Variants in VARS2 observed in about 807,000 individuals in gnomAD.
VARS2 encodes valyl-tRNA synthetase 2, mitochondrial.
VARS2 carries 105 observed loss-of-function variants against 154.1 expected under a neutral mutation model. The ratio of observed to expected loss-of-function variants is 0.68; its 90% confidence interval spans 0.58 to 0.80. VARS2 has a LOEUF of 0.80. Ranked by LOEUF, VARS2 falls within the 30% of genes least tolerant of loss-of-function variation. The probability of loss-of-function intolerance (pLI) is 0.00; values close to 1 mark genes in which losing one functional copy is unlikely to be tolerated. For synonymous variants in VARS2, 483 were observed against 539.5 expected, an observed-to-expected ratio of 0.90 and a Z score of 1.45; for missense variants, 1,157 against 1,361.4, an observed-to-expected ratio of 0.85 and a Z score of 2.36.
At chr6:30,923,546 T>C in intron 25 of VARS2, 41 bp downstream of exon 25, 1 of 1,583,962 alleles carries the variant, frequency 6.3e-7, no homozygotes. Flanking sequence ...CCATGCCTGC[T>C]TCTAATTCCT....
Position 30,916,711 on chromosome 6 carries a change from C to A in VARS2, c.672-167C>A. The A allele has an allele frequency of 1.5e-6, 1 of 655,328 alleles. No homozygotes were observed. The highest frequency in any genetic ancestry group is 2.7e-6 in the Non-Finnish European group (1 of 369,874). 40.6% of individuals were successfully genotyped at this position (655,328 alleles called of 1,614,324 possible). Reference sequence around the variant, plus strand: ...TTGCCTCTTTTAATATCTTAGAAAACCCCATACTGGGTTTGTAAGTCCATT... The same window carrying A: ...TTGCCTCTTTTAATATCTTAGAAAAACCCATACTGGGTTTGTAAGTCCATT... On this transcript the variant is annotated intron_variant, in intron 7 of 29. Transcript: ENST00000676266. This position sits in a 1 kb window ranked among gnomAD's most constrained non-coding sequence, Gnocchi z 4.0.
chr6:30,919,696 C>A lies in VARS2; in HGVS notation c.1075-62C>A. ...TTCTTATTCCTGGGGTTCTCACGCC[C>A]CAGCCCAGACCCTTCCAACCCTCAC... On this transcript the variant is annotated intron_variant, in intron 11 of 29. Transcript: ENST00000676266. The surrounding 1 kb of genome is among the most constrained non-coding windows in gnomAD (Gnocchi z 4.5). 1 of 1,354,386 alleles carries A rather than the reference C, an allele frequency of 7.4e-7. No homozygotes were observed. Among genetic ancestry groups the A allele is most frequent in the Non-Finnish European group, 9.8e-7 (1 of 1,019,880 alleles). The allele number at this position is 1,354,386 out of a possible 1,614,324, so 83.9% of individuals were successfully genotyped here. A position where few individuals can be genotyped will look rare whatever the true frequency, so the allele number is the denominator to read the frequency against.
chr6:30,920,195 C>T lies in VARS2; in HGVS notation c.1272C>T (p.Ser424=), dbSNP rs2285319. The T allele has an allele frequency of 0.21, 331,985 of 1,582,470 alleles. 44,673 individuals are homozygous for T. The highest frequency in any genetic ancestry group is 0.57 in the East Asian group (25,239 of 44,502). The change falls in exon 13 of 30, where the codon TCC becomes TCT. Residue 424 remains serine (S), a synonymous_variant. Transcript: ENST00000676266. This position sits in a 1 kb window ranked among gnomAD's most constrained non-coding sequence, Gnocchi z 4.6. ...TTGCGGAGGATGGGACCATGACCTC[C>T]CTCTGCGGGGACTGGCTGCAGGTGG... is the stretch of plus-strand genomic sequence containing the variant. The part of the protein sequence containing the change: ...NVIAEDGTMT[S]LCGDWLQGLH...
At position 30,914,816 on chromosome 6, in the gene VARS2, GCCCCTTT is replaced by G. The variant is rs1794042527; in HGVS notation, c.-18_-12del. 1.2e-6 allele frequency: 2 copies of G among 1,612,926 alleles called. No homozygotes were observed. Among genetic ancestry groups the G allele is most frequent in the Non-Finnish European group, 1.7e-6 (2 of 1,179,976 alleles). On this transcript the variant is annotated 5_prime_UTR_variant, in exon 2 of 30. Coordinates refer to ENST00000676266, the MANE Select transcript of VARS2 (RefSeq NM_020442.6). ...CTCTCTCTATCCAGAACAGATCTCG[GCCCCTTT>G]CCAAACACTCCTGATGCCTCATTTG...
chr6:30,923,676 G>C (rs1794676321), intron 25 of VARS2, 171 bp downstream of exon 25: 21 of 964,404 alleles, frequency 2.2e-5, no homozygotes, highest in Non-Finnish European at 3.1e-5. Context: ...GGTTTTGGCA[G>C]TGCAGCCCAG....
chr6:30,915,640 G>C, intron 4 of VARS2, 106 bp from the exon 5 acceptor site: 1 of 1,546,274 alleles, frequency 6.5e-7, no homozygotes, highest in Non-Finnish European at 8.8e-7. Flanking sequence ...CCTCTTATTT[G>C]CAGGACAGTT....
At chr6:30,914,643 T>C in intron 1 of VARS2, 167 bp from the exon 2 acceptor site, 1 of 1,060,046 alleles carries the variant, frequency 9.4e-7, no homozygotes, top group Non-Finnish European at 1.3e-6. Context: ...CATGGCGCTG[T>C]CTGTCGATAC....
rs751154041 is a variant in VARS2 at position 30,925,959 on chromosome 6, C to G, written c.3041C>G (p.Thr1014Arg). The change falls in exon 29 of 30, where the codon ACA (threonine) becomes AGA (arginine). Residue 1014 changes from threonine (T) to arginine (R), a missense_variant. Coordinates refer to ENST00000676266, the MANE Select transcript of VARS2 (RefSeq NM_020442.6). ...TTGCAGAAGCAGCTTGACAGCCTCA[C>G]AGCCAGGACCCCATCAGAAGGGGAG... ...YKLQKQLDSLTARTPSEGEAG... is the reference protein window; with the variant it reads ...YKLQKQLDSLRARTPSEGEAG... 1.9e-5 allele frequency: 31 copies of G among 1,613,000 alleles called. No individual in the cohort carries two copies. Among genetic ancestry groups the G allele is most frequent in the Non-Finnish European group, 2.5e-5 (30 of 1,180,056 alleles).
In VARS2 at chr6:30,923,405, C is replaced by T. The variant is rs575947604; in HGVS notation, c.2366C>T (p.Ala789Val). The T allele has an allele frequency of 6.2e-7, 1 of 1,612,288 alleles. No homozygotes were observed. Among genetic ancestry groups the T allele is most frequent in the East Asian group, 2.2e-5 (1 of 44,866 alleles). The change falls in exon 25 of 30, where the codon GCT becomes GTT. Residue 789 changes from alanine to valine, a missense_variant. By Grantham distance (64) the Ala-to-Val change is moderately conservative. Transcript: ENST00000676266. ...DAWILSRLAL[A>V]AQECERGFLT... ...TGGATCCTGAGCCGCCTTGCCCTGGCTGCCCAGGAGTGTGAGCGGGGCTTC... is the reference window on the plus strand; with the variant it reads ...TGGATCCTGAGCCGCCTTGCCCTGGTTGCCCAGGAGTGTGAGCGGGGCTTC...
rs771779505 is a variant in VARS2, at chr6:30,914,915, T to C, written c.79T>C (p.Ser27Pro). The C allele has an allele frequency of 6.2e-7, 1 of 1,613,010 alleles. No individual in the cohort carries two copies. The highest frequency in any genetic ancestry group is 8.5e-7 in the Non-Finnish European group (1 of 1,180,026). ...CTCACGGGGCCTCCCCAGGTTTCAC[T>C]CCGTTTCTACACAGTCGGAGCCCCA... ...RHSRGLPRFHSVSTQSEPHGS... is the reference protein window; with the variant it reads ...RHSRGLPRFHPVSTQSEPHGS... Residue 27 changes from serine to proline, a missense_variant, in exon 2 of 30, where the codon TCC becomes CCC. Ser to Pro is a moderately conservative substitution (Grantham distance 74). Transcript: ENST00000676266.
Position 30,917,946 on chromosome 6 carries a change from C to G in VARS2, c.985+140C>G. The G allele has an allele frequency of 1.2e-6, 1 of 860,574 alleles. No individual in the cohort carries two copies. The highest frequency in any genetic ancestry group is 2.7e-5 in the East Asian group (1 of 37,330). The allele number at this position is 860,574 out of a possible 1,614,324, so 53.3% of individuals were successfully genotyped here. The stretch of plus-strand genomic sequence containing the variant: ...GTTCACCTCAGCGTGGGCACTTACC[C>G]AGGGTCTTCTGGGGGATGTACAAAA... On this transcript the variant is annotated intron_variant, in intron 10 of 29. Transcript: ENST00000676266. This position sits in a 1 kb window ranked among gnomAD's most constrained non-coding sequence, Gnocchi z 4.4.
At position 30,919,693 on chromosome 6, in the gene VARS2, G is replaced by A. The variant is rs145445524; in HGVS notation, c.1075-65G>A. 1.5e-4 allele frequency: 189 copies of A among 1,295,536 alleles called. 1 individual carries two copies. The African/African-American group carries it at 2.5e-3, about 17-fold the overall frequency. 80.3% of individuals were successfully genotyped at this position (1,295,536 alleles called of 1,614,324 possible). ...ACCTTCTTATTCCTGGGGTTCTCACGCCCCAGCCCAGACCCTTCCAACCCT... is the reference window on the plus strand; with the variant it reads ...ACCTTCTTATTCCTGGGGTTCTCACACCCCAGCCCAGACCCTTCCAACCCT... On this transcript the variant is annotated intron_variant, in intron 11 of 29. Coordinates refer to ENST00000676266, the MANE Select transcript of VARS2 (RefSeq NM_020442.6). The surrounding 1 kb of genome is among the most constrained non-coding windows in gnomAD (Gnocchi z 4.5).
Position 30,926,132 on chromosome 6 carries a change from GT to G in VARS2, c.3115del (p.Ser1039GlnfsTer13). On this transcript the variant is annotated frameshift_variant, in exon 30 of 30. Coordinates refer to ENST00000676266, the MANE Select transcript of VARS2 (RefSeq NM_020442.6). LOFTEE classifies it low-confidence loss of function (END_TRUNC). ...AGCTTTCTTCCCTCCAGCTGGAATT[GT>G]CAAAACTGGACAAGGCAGCCTCTCA... ...QKLSSLQLEL[S>X]KLDKAASHLR... 6.2e-7 allele frequency: 1 copy of G among 1,613,104 alleles called. No individual in the cohort carries two copies.
Position 30,920,529 on chromosome 6 carries a change from G to C in VARS2, c.1397+93G>C, listed in dbSNP as rs1480049047. 8 of 1,374,582 alleles carry C rather than the reference G, an allele frequency of 5.8e-6. No individual in the cohort carries two copies. Among genetic ancestry groups the C allele is most frequent in the South Asian group, 4.2e-5 (3 of 70,606 alleles). 85.1% of individuals were successfully genotyped at this position (1,374,582 alleles called of 1,614,324 possible). A position where few individuals can be genotyped will look rare whatever the true frequency, so the allele number is the denominator to read the frequency against. On this transcript the variant is annotated intron_variant, in intron 14 of 29. Coordinates refer to ENST00000676266, the MANE Select transcript of VARS2 (RefSeq NM_020442.6). This position sits in a 1 kb window ranked among gnomAD's most constrained non-coding sequence, Gnocchi z 4.6. ...AATAGGATGGGCTCTGCACCCCTCC[G>C]TTAGAATACGAGCTCCGTGTCGGTT...
chr6:30,923,526 C>A, intron 25 of VARS2, 21 bp downstream of exon 25: 1 of 1,599,878 alleles, frequency 6.3e-7, no homozygotes, highest in Non-Finnish European at 8.5e-7. Flanking sequence ...CTGGGGGAGG[C>A]TTGGTATTCC....
At position 30,921,788 on chromosome 6, in the gene VARS2, C is replaced by A; in HGVS notation, c.1735+97C>A. ...GATCCCAAGATACAGAAGGTAGGGT[C>A]AGGAAAGTTGGGAATGGAGCCAAAG... is the stretch of plus-strand genomic sequence containing the variant. On this transcript the variant is annotated intron_variant, in intron 18 of 29. Coordinates refer to ENST00000676266, the MANE Select transcript of VARS2 (RefSeq NM_020442.6). The surrounding 1 kb of genome is among the most constrained non-coding windows in gnomAD (Gnocchi z 4.6). The A allele has an allele frequency of 6.5e-7, 1 of 1,539,690 alleles. No homozygotes were observed. The highest frequency in any genetic ancestry group is 1.2e-5 in the South Asian group (1 of 83,236).
At chr6:30,923,027 TGCAGGGGCAGG>T (rs1367094455) in intron 23 of VARS2, 51 bp downstream of exon 23, 1 of 1,605,774 alleles carries the variant, frequency 6.2e-7, no homozygotes, top group Non-Finnish European at 8.5e-7. Flanking sequence ...CGGGCACCTG[TGCAGGGGCAGG>T]GCAGGGGCAG....
At chr6:30,915,282 G>GC in intron 3 of VARS2, 45 bp downstream of exon 3, 1 of 1,611,912 alleles carries the variant, frequency 6.2e-7, no homozygotes, top group Non-Finnish European at 8.5e-7. Flanking sequence ...CATATGTGTT[G>GC]CCCATTTGGC....
Position 30,916,543 on chromosome 6 carries a change from C to A in VARS2, c.671+294C>A. Reference sequence around the variant, plus strand: ...CCAATTTCTCTTGTCTAAATCTCACCTTCTTCCACTCGCCCATTCCCACCT... The same window carrying A: ...CCAATTTCTCTTGTCTAAATCTCACATTCTTCCACTCGCCCATTCCCACCT... On this transcript the variant is annotated intron_variant, in intron 7 of 29. Transcript: ENST00000676266. The surrounding 1 kb of genome is among the most constrained non-coding windows in gnomAD (Gnocchi z 4.0). 1 of 350,116 alleles carries A rather than the reference C, an allele frequency of 2.9e-6. No homozygotes were observed. Among genetic ancestry groups the A allele is most frequent in the Non-Finnish European group, 5.0e-6 (1 of 200,396 alleles). 21.7% of individuals were successfully genotyped at this position (350,116 alleles called of 1,614,324 possible).
Sources: gnomAD v4.1 joint callset for allele counts on GRCh38, gnomAD v4.1.1 for gene constraint, Gnocchi (gnomAD v3.1) non-coding constraint, MANE v1.5 for transcripts, NCBI Gene and HGNC (gene_info 2026-07-23, HGNC 2026-07-21) for gene names.